The following NRG3 variants were observed in gnomAD, a reference collection of about 807,000 sequenced individuals.
The protein encoded by NRG3 is pro-neuregulin-3, membrane-bound isoform.
Under a neutral mutation model 66.9 loss-of-function variants are expected in NRG3, and 31 were observed. The observed-to-expected ratio is 0.46, with a 90% CI of 0.35 to 0.63. The LOEUF is 0.63. Ranked by LOEUF, NRG3 falls within the 20% of genes least tolerant of loss-of-function variation. NRG3 has a pLI of 0.00. For synonymous variants in NRG3, 393 were observed against 359.4 expected (o/e 1.09, Z -1.06); for missense variants, 910 against 878.9 (o/e 1.04, Z -0.45).
chr10:82,513,740 A>G (rs2132469203), intron 2 of NRG3, among the ~76,000 whole-genome samples: 1 of 152,322 alleles, frequency 6.6e-6, no homozygotes, highest in South Asian at 2.1e-4. Flanking sequence ...AAATTGAGCC[A>G]CTGCACTCCA....
chr10:82,518,682 T>C (rs1215493055), intron 2 of NRG3, among the ~76,000 whole-genome samples: 1 of 152,160 alleles, frequency 6.6e-6, no homozygotes, highest in Non-Finnish European at 1.5e-5. Context: ...GCTGGAGGTT[T>C]TATCTTCAAG....
intron 2 of NRG3, among the ~76,000 whole-genome samples, chr10:82,480,544 G>A (rs1324835534): frequency 6.6e-6 from 1 of 151,804 alleles, no homozygotes; most frequent in East Asian, 1.9e-4. Flanking sequence ...CATTTTTTTG[G>A]TAATAACTCC....
intron 2 of NRG3, among the ~76,000 whole-genome samples, chr10:82,644,839 T>C (rs941764340): frequency 3.9e-5 from 6 of 152,160 alleles, no homozygotes; most frequent in African/African-American, 1.4e-4. Flanking sequence ...AGTTTTCCAC[T>C]GAAACACATT....
chr10:82,380,868 G>C (rs1416168891), intron 2 of NRG3, among the ~76,000 whole-genome samples: 1 of 152,002 alleles, frequency 6.6e-6, no homozygotes, highest in South Asian at 2.1e-4. Flanking sequence ...AATAAATTTT[G>C]TAATAACCCC....
At chr10:82,862,081 T>C (rs979181281) in intron 3 of NRG3, among the ~76,000 whole-genome samples, 4 of 152,194 alleles carry the variant, frequency 2.6e-5, no homozygotes, top group South Asian at 2.1e-4. Context: ...TTACTTGTCC[T>C]GTGTGTAAAG....
At chr10:81,919,990 A>C (rs1846102200) in intron 1 of NRG3, among the ~76,000 whole-genome samples, 1 of 152,228 alleles carries the variant, frequency 6.6e-6, no homozygotes, top group African/African-American at 2.4e-5. Flanking sequence ...AATATACGAA[A>C]AATTAAATAA....
At chr10:82,741,158 T>G (rs1209705530) in intron 3 of NRG3, among the ~76,000 whole-genome samples, 1 of 152,176 alleles carries the variant, frequency 6.6e-6, no homozygotes. Flanking sequence ...CATTCATCCA[T>G]GCACACGTGC....
chr10:82,601,769 G>A (rs550742306), intron 2 of NRG3, among the ~76,000 whole-genome samples: 1 of 150,050 alleles, frequency 6.7e-6, no homozygotes, highest in South Asian at 2.1e-4. Context: ...TAGCACTTTG[G>A]GAGGTCGAGG....
At chr10:82,923,902 G>A (rs1429191217) in intron 4 of NRG3, among the ~76,000 whole-genome samples, 5 of 151,710 alleles carry the variant, frequency 3.3e-5, no homozygotes, top group Non-Finnish European at 7.4e-5. Flanking sequence ...TTCAAGACCA[G>A]CCTGGCCAAC....
At chr10:82,400,491 C>A (rs1279585842) in intron 2 of NRG3, among the ~76,000 whole-genome samples, 1 of 152,032 alleles carries the variant, frequency 6.6e-6, no homozygotes, top group Non-Finnish European at 1.5e-5. Flanking sequence ...AGATGACACA[C>A]ATGCTGCTGA....
chr10:82,754,654 C>A (rs2059007821), intron 3 of NRG3, among the ~76,000 whole-genome samples: 1 of 152,028 alleles, frequency 6.6e-6, no homozygotes, highest in South Asian at 2.1e-4. Flanking sequence ...AAATGACAAG[C>A]CTCAACCCAA....
intron 1 of NRG3, among the ~76,000 whole-genome samples, chr10:81,972,237 A>G (rs536691807): frequency 3.3e-5 from 5 of 152,338 alleles, no homozygotes; most frequent in African/African-American, 1.2e-4. Flanking sequence ...AAGAATATCT[A>G]TAGGAATACA....
At chr10:82,548,289 G>T (rs758344880) in intron 2 of NRG3, among the ~76,000 whole-genome samples, 2 of 151,850 alleles carry the variant, frequency 1.3e-5, no homozygotes, top group Non-Finnish European at 2.9e-5. Context: ...TAAATTTCTA[G>T]CCACAACAAG....
intron 2 of NRG3, among the ~76,000 whole-genome samples, chr10:82,386,071 A>G (rs2085964713): frequency 6.6e-6 from 1 of 152,190 alleles, no homozygotes; most frequent in South Asian, 2.1e-4. Flanking sequence ...TCCATCAAAT[A>G]TAAATTTTTA....
chr10:82,401,077 C>T (rs1369995980), intron 2 of NRG3, among the ~76,000 whole-genome samples: 2 of 152,092 alleles, frequency 1.3e-5, no homozygotes, highest in East Asian at 3.9e-4. Context: ...ATTCCACCAC[C>T]GTCTCTGCCA....
chr10:82,145,378 A>G (rs1030611133), intron 1 of NRG3, among the ~76,000 whole-genome samples: 2 of 152,310 alleles, frequency 1.3e-5, no homozygotes, highest in Non-Finnish European at 2.9e-5. Context: ...GTTATAACAT[A>G]TTTGACTTTT....
intron 1 of NRG3, among the ~76,000 whole-genome samples, chr10:82,092,396 G>GCA (rs1477735890): frequency 6.6e-6 from 1 of 151,318 alleles, no homozygotes; most frequent in Non-Finnish European, 1.5e-5. Flanking sequence ...ACACACACAC[G>GCA]CACACACACA....
chr10:81,877,175 G>T (rs1452578360), intron 1 of NRG3, among the ~76,000 whole-genome samples: 1 of 152,156 alleles, frequency 6.6e-6, no homozygotes, highest in African/African-American at 2.4e-5. Flanking sequence ...TAGAAAGTGC[G>T]TATTTTCTCA....
chr10:82,047,896 G>A (rs566009203), intron 1 of NRG3, among the ~76,000 whole-genome samples: 2 of 152,140 alleles, frequency 1.3e-5, no homozygotes, highest in East Asian at 3.9e-4. Flanking sequence ...ATAAAAGGAT[G>A]GAGGAAGATC....
Sources: allele counts gnomAD v4.1 joint callset (sites outside exome capture counted in the v4.1 genomes callset), GRCh38; gene constraint gnomAD v4.1.1; transcripts MANE v1.5; gene names NCBI Gene and HGNC (gene_info 2026-07-23, HGNC 2026-07-21).